The following KRT6C variants were observed in gnomAD, a reference collection of about 807,000 sequenced individuals.
KRT6C encodes the protein keratin, type II cytoskeletal 6C.
KRT6C carries 46 observed loss-of-function variants against 49.4 expected under a neutral mutation model. The observed-to-expected ratio is 0.93, with a 90% CI of 0.74 to 1.19. The LOEUF is 1.19. Ranked by LOEUF, KRT6C falls within the 50% of genes most tolerant of loss-of-function variation. The probability of loss-of-function intolerance (pLI) is 0.00; values close to 1 mark genes in which losing one functional copy is unlikely to be tolerated. For missense variants in KRT6C, 552 were observed against 737.5 expected (o/e 0.75, Z 2.91); for synonymous variants, 236 against 297.1 (o/e 0.79, Z 2.12).
At chr12:52,469,927 G>A (rs773953974) in intron 6 of KRT6C, 37 bp from the exon 7 acceptor site, 1 of 1,611,300 alleles carries the variant, frequency 6.2e-7, no homozygotes, top group Non-Finnish European at 8.5e-7. Flanking sequence ...CTTCTTGTCT[G>A]CTCCTCCGGA....
In KRT6C at chr12:52,471,674, T is replaced by G. The variant is rs1032506605; in HGVS notation, c.814A>C (p.Lys272Gln). 6.2e-7 allele frequency: 1 copy of G among 1,613,024 alleles called. No homozygotes were observed. The highest frequency in any genetic ancestry group is 1.3e-5 in the African/African-American group (1 of 74,626). The change falls in exon 3 of 9, where the codon AAG becomes CAG. Residue 272 changes from lysine to glutamine, a missense_variant and splice_region_variant. Physicochemically the swap from Lys to Gln is moderately conservative, Grantham distance 53. Transcript: ENST00000252250. ...AAENEFVTLKKDVDAAYMNKV... is the reference protein window; with the variant it reads ...AAENEFVTLKQDVDAAYMNKV... ...AACCCCCGGCTTCATCTGCTCACCT[T>G]CTTCAGAGTCACAAATTCATTCTCT...
At chr12:52,471,080 T>C in intron 5 of KRT6C, 52 bp downstream of exon 5, 1 of 1,614,106 alleles carries the variant, frequency 6.2e-7, no homozygotes, top group South Asian at 1.1e-5. Flanking sequence ...AGTCCTCTGG[T>C]ATTCCAGGAT....
chr12:52,470,114 T>G, intron 6 of KRT6C: 9 of 645,984 alleles, frequency 1.4e-5, no homozygotes, highest in Non-Finnish European at 2.1e-5. Context: ...GTGCGTTGCA[T>G]CTTATGGGAG....
rs1304081525 is a variant in KRT6C, at chr12:52,472,114, T to G, written c.707A>C (p.Asp236Ala). The G allele has an allele frequency of 6.3e-7, 1 of 1,599,322 alleles. No individual in the cohort carries two copies. The highest frequency in any genetic ancestry group is 8.5e-7 in the Non-Finnish European group (1 of 1,174,236). Residue 236 changes from aspartate to alanine, a missense_variant, in exon 2 of 9, where the codon GAC becomes GCC. By Grantham distance (126) the Asp-to-Ala change is moderately radical. This residue lies in a region of KRT6C where 425 missense variants were observed against 439.4 expected (regional missense o/e 0.97). Coordinates refer to ENST00000252250, the MANE Select transcript of KRT6C (RefSeq NM_173086.5). ...DSIVGERGRL[D>A]SELRNMQDLV... is the part of the protein sequence containing the mutation. ...GTCCTGCATGTTTCTCAGCTCCGAG[T>G]CCAGGCGGCCCCGTTCCCCGACGAT...
At position 52,470,621 on chromosome 12, in the gene KRT6C, G is replaced by A. The variant is rs777152173; in HGVS notation, c.1087C>T (p.Leu363=). 9 of 1,613,886 alleles carry A rather than the reference G, an allele frequency of 5.6e-6. No individual in the cohort carries two copies. Among genetic ancestry groups the A allele is most frequent in the South Asian group, 1.1e-5 (1 of 91,068 alleles). The change falls in exon 6 of 9, where the codon CTG becomes TTG. Residue 363 remains leucine, a synonymous_variant. Transcript: ENST00000252250. ...ESWYQTKYEE[L]QVTAGRHGDD... ...CCATGTCTGCCTGCTGTGACCTGCA[G>A]CTCCTCGTACTGCAGCCCAGAGGTG...
Position 52,469,485 on chromosome 12 carries a change from C to A in KRT6C, c.1425-40G>T. ...ACAGGGAGGGTGAGACCTCAGAGAG[C>A]TCTTCCTTCCCTGGACCAGTGTGGG... On this transcript the variant is annotated intron_variant, in intron 7 of 8. Coordinates refer to ENST00000252250, the MANE Select transcript of KRT6C (RefSeq NM_173086.5). 1.9e-6 allele frequency: 3 copies of A among 1,613,962 alleles called. No individual in the cohort carries two copies. In the South Asian group the frequency reaches 3.3e-5, roughly 18 times the overall value.
At chr12:52,469,506 G>A (rs1423374936) in intron 7 of KRT6C, 61 bp from the exon 8 acceptor site, 11 of 1,613,880 alleles carry the variant, frequency 6.8e-6, no homozygotes, top group Non-Finnish European at 9.3e-6. Flanking sequence ...CTGGACCAGT[G>A]TGGGCAGCCT....
At position 52,469,646 on chromosome 12, in the gene KRT6C, G is replaced by A. The variant is rs547278254; in HGVS notation, c.1424+24C>T. On this transcript the variant is annotated intron_variant, in intron 7 of 8. Coordinates refer to ENST00000252250, the MANE Select transcript of KRT6C (RefSeq NM_173086.5). Reference sequence around the variant, plus strand: ...ACCTTGAAGATGGACTCAGCTGTTGGAGGAAGTCGCGTCAGTTACCTACCT... The same window carrying A: ...ACCTTGAAGATGGACTCAGCTGTTGAAGGAAGTCGCGTCAGTTACCTACCT... 1.6e-4 allele frequency: 251 copies of A among 1,613,952 alleles called. 5 individuals carry two copies. In the South Asian group the frequency reaches 2.6e-3, roughly 17 times the overall value.
intron 6 of KRT6C, 28 bp from the exon 7 acceptor site, chr12:52,469,918 T>G (rs757702821): frequency 2.8e-5 from 45 of 1,613,324 alleles, no homozygotes; most frequent in Non-Finnish European, 3.7e-5. Flanking sequence ...GAGAAGGAAC[T>G]TCTTGTCTGC....
rs774520953 is a variant in KRT6C at position 52,470,578 on chromosome 12, G to T, written c.1130C>A (p.Thr377Asn). ...AGRHGDDLRNTKQEIAEINRM... is the reference protein window; with the variant it reads ...AGRHGDDLRNNKQEIAEINRM... ...GTTGATCTCAGCAATCTCCTGCTTG[G>T]TGTTGCGCAGGTCGTCCCCATGTCT... The change falls in exon 6 of 9, where the codon ACC becomes AAC. Residue 377 changes from threonine to asparagine, a missense_variant. Physicochemically the swap from Thr to Asn is moderately conservative, Grantham distance 65. Around this residue, in one of 3 missense-constraint regions of KRT6C, gnomAD observed 425 missense variants for 439.4 expected, o/e 0.97. Coordinates refer to ENST00000252250, the MANE Select transcript of KRT6C (RefSeq NM_173086.5). 10 of 1,613,992 alleles carry T rather than the reference G, an allele frequency of 6.2e-6. No individual in the cohort carries two copies. In the South Asian group the frequency reaches 8.8e-5, roughly 14 times the overall value.
chr12:52,471,764 G>T, intron 2 of KRT6C, 32 bp from the exon 3 acceptor site: 1 of 1,613,098 alleles, frequency 6.2e-7, no homozygotes, highest in Non-Finnish European at 8.5e-7. Flanking sequence ...ACACATATGA[G>T]CCAGTGGGTA....
rs978296252 is a variant in KRT6C at position 52,468,888 on chromosome 12, T to A, written c.*174A>T. On this transcript the variant is annotated 3_prime_UTR_variant, in exon 9 of 9. Coordinates refer to ENST00000252250, the MANE Select transcript of KRT6C (RefSeq NM_173086.5). ...TGATCTGATGGTGAGCAATGGGTGC[T>A]CAGATGGGGCAGGTATAGACAGAGA... The A allele has an allele frequency of 1.4e-6, 1 of 724,074 alleles. No individual in the cohort carries two copies. Among genetic ancestry groups the A allele is most frequent in the Non-Finnish European group, 2.3e-6 (1 of 436,744 alleles). The allele number at this position is 724,074 out of a possible 1,614,324, so 44.9% of individuals were successfully genotyped here.
Position 52,470,567 on chromosome 12 carries a change from T to A in KRT6C, c.1141A>T (p.Ile381Phe). 2 of 1,614,072 alleles carry A rather than the reference T, an allele frequency of 1.2e-6. No homozygotes were observed. Among genetic ancestry groups the A allele is most frequent in the Non-Finnish European group, 1.7e-6 (2 of 1,180,018 alleles). The part of the protein sequence containing the change: ...GDDLRNTKQE[I>F]AEINRMIQRL... ...TGGATCATGCGGTTGATCTCAGCAA[T>A]CTCCTGCTTGGTGTTGCGCAGGTCG... The change falls in exon 6 of 9, where the codon ATT (isoleucine) becomes TTT (phenylalanine). Residue 381 changes from isoleucine (I) to phenylalanine (F), a missense_variant. This residue lies in a region of KRT6C where 425 missense variants were observed against 439.4 expected (regional missense o/e 0.97). Transcript: ENST00000252250.
chr12:52,470,684 C>T lies in KRT6C; in HGVS notation c.1078-54G>A, dbSNP rs186001835. 2.7e-3 allele frequency: 4,368 copies of T among 1,612,952 alleles called. 15 individuals are homozygous for T. Among genetic ancestry groups the T allele is most frequent in the Middle Eastern group, 5.9e-3 (35 of 5,976 alleles). ...GTGTCTACGGGTTCTTACCTGGGAG[C>T]GATGACTTTCACTTGTGTATCATGC... On this transcript the variant is annotated intron_variant, in intron 5 of 8. Coordinates refer to ENST00000252250, the MANE Select transcript of KRT6C (RefSeq NM_173086.5).
chr12:52,471,365 C>A (rs1592177417), intron 4 of KRT6C, 56 bp downstream of exon 4: 1 of 1,614,190 alleles, frequency 6.2e-7, no homozygotes, highest in Non-Finnish European at 8.5e-7. Context: ...CCCTATACAT[C>A]TTCTCCCCTT....
In KRT6C at chr12:52,468,918, T is replaced by G. The variant is rs1257961136; in HGVS notation, c.*144A>C. ...TGGGGCAGGTATAGACAGAGAGAAGTGAGGGCACTAAGCATCCATACCCAG... is the reference window on the plus strand; with the variant it reads ...TGGGGCAGGTATAGACAGAGAGAAGGGAGGGCACTAAGCATCCATACCCAG... On this transcript the variant is annotated 3_prime_UTR_variant, in exon 9 of 9. Coordinates refer to ENST00000252250, the MANE Select transcript of KRT6C (RefSeq NM_173086.5). 1.0e-5 allele frequency: 10 copies of G among 973,456 alleles called. No homozygotes were observed. The highest frequency in any genetic ancestry group is 1.5e-5 in the Non-Finnish European group (10 of 647,818). The allele number at this position is 973,456 out of a possible 1,614,324, so 60.3% of individuals were successfully genotyped here. A position where few individuals can be genotyped will look rare whatever the true frequency, so the allele number is the denominator to read the frequency against.
At position 52,469,827 on chromosome 12, in the gene KRT6C, C is replaced by T; in HGVS notation, c.1267G>A (p.Ala423Thr). 6.2e-7 allele frequency: 1 copy of T among 1,614,110 alleles called. No homozygotes were observed. Among genetic ancestry groups the T allele is most frequent in the Non-Finnish European group, 8.5e-7 (1 of 1,179,998 alleles). The part of the protein sequence containing the change: ...EQRGEMALKD[A>T]KNKLEGLEDA... Reference sequence around the variant, plus strand: ...TCCAGCCCTTCCAGCTTGTTCTTAGCATCCTTGAGTGCCATCTCCCCACGC... The same window carrying T: ...TCCAGCCCTTCCAGCTTGTTCTTAGTATCCTTGAGTGCCATCTCCCCACGC... Residue 423 changes from alanine (A) to threonine (T), a missense_variant, in exon 7 of 9, where the codon GCT becomes ACT. Ala to Thr is a moderately conservative substitution (Grantham distance 58). This residue lies in a region of KRT6C where 425 missense variants were observed against 439.4 expected (regional missense o/e 0.97). Coordinates refer to ENST00000252250, the MANE Select transcript of KRT6C (RefSeq NM_173086.5).
chr12:52,470,501 G>A lies in KRT6C; in HGVS notation c.1203+4C>T. ...CTTCTTTCCTCCACTGCACCTCACT[G>A]TACCTGCTTCTTGACATGGTCGATC... On this transcript the variant is annotated splice_donor_region_variant and intron_variant, in intron 6 of 8. Coordinates refer to ENST00000252250, the MANE Select transcript of KRT6C (RefSeq NM_173086.5). 1 of 1,614,126 alleles carries A rather than the reference G, an allele frequency of 6.2e-7. No individual in the cohort carries two copies. The highest frequency in any genetic ancestry group is 8.5e-7 in the Non-Finnish European group (1 of 1,180,022).
chr12:52,473,096 A>T lies in KRT6C; in HGVS notation c.540+102T>A. ...CTGCACTCTCTGCAGAGCTGGGCTG[A>T]ATCCCCTTCTCCCTCCCTCCTAGGT... On this transcript the variant is annotated intron_variant, in intron 1 of 8. Transcript: ENST00000252250. 3.0e-6 allele frequency: 4 copies of T among 1,315,698 alleles called. No homozygotes were observed. The South Asian group carries it at 4.7e-5, about 16-fold the overall frequency. 81.5% of individuals were successfully genotyped at this position (1,315,698 alleles called of 1,614,324 possible). A position where few individuals can be genotyped will look rare whatever the true frequency, so the allele number is the denominator to read the frequency against.
Sources: gnomAD v4.1 joint callset for allele counts on GRCh38, gnomAD v4.1.1 for gene constraint, gnomAD v4.1.1 regional missense constraint, MANE v1.5 for transcripts, NCBI Gene and HGNC (gene_info 2026-07-23, HGNC 2026-07-21) for gene names.